IRF2BPL: variants seen among roughly 807,000 people sequenced by gnomAD.
IRF2BPL encodes probable E3 ubiquitin-protein ligase IRF2BPL.
A neutral mutation model predicts 51.2 loss-of-function variants in IRF2BPL; 13 were observed. The observed-to-expected ratio is 0.25, with a 90% CI of 0.17 to 0.40. IRF2BPL has a LOEUF of 0.40. IRF2BPL is among the 10% of genes least tolerant of loss of function. The pLI, the probability that IRF2BPL is intolerant of heterozygous loss-of-function variation, is 1.00. For synonymous variants in IRF2BPL, 768 were observed against 509.2 expected, an observed-to-expected ratio of 1.51 and a Z score of -6.84; for missense variants, 1,210 against 1,111.8, an observed-to-expected ratio of 1.09 and a Z score of -1.26.
At position 77,027,893 on chromosome 14, in the gene IRF2BPL, G is replaced by A. The variant is rs1049569836; in HGVS notation, c.-101C>T. The A allele has an allele frequency of 5.2e-6, 7 of 1,342,942 alleles. No individual in the cohort carries two copies. The highest frequency in any genetic ancestry group is 6.8e-6 in the Non-Finnish European group (7 of 1,028,334). 83.2% of individuals were successfully genotyped at this position (1,342,942 alleles called of 1,614,324 possible). ...GCTGGGGAGGGAGTCCGACTGCGGG[G>A]GAGGGAGGAGGGGGGGCGAGAAAGT... On this transcript the variant is annotated 5_prime_UTR_variant, in exon 1 of 1. Transcript: ENST00000238647.
In IRF2BPL at chr14:77,028,264, C is replaced by T. The variant is rs186382055; in HGVS notation, c.-472G>A. The T allele has an allele frequency of 2.9e-3, 696 of 237,862 alleles. 5 individuals are homozygous for T. The highest frequency in any genetic ancestry group is 0.015 in the African/African-American group (654 of 43,504). The allele number at this position is 237,862 out of a possible 1,614,324, so 14.7% of individuals were successfully genotyped here. A position where few individuals can be genotyped will look rare whatever the true frequency, so the allele number is the denominator to read the frequency against. ...CTGCGTCCTCTCCCCGACGGGCCCCCTGGGGCGAGGGCCAGAGGGTTCAGT... is the reference window on the plus strand; with the variant it reads ...CTGCGTCCTCTCCCCGACGGGCCCCTTGGGGCGAGGGCCAGAGGGTTCAGT... On this transcript the variant is annotated 5_prime_UTR_variant, in exon 1 of 1. Coordinates refer to ENST00000238647, the MANE Select transcript of IRF2BPL (RefSeq NM_024496.4).
At position 77,027,223 on chromosome 14, in the gene IRF2BPL, G is replaced by A. The variant is rs1415875556; in HGVS notation, c.570C>T (p.Pro190=). Residue 190 remains proline, a synonymous_variant, in exon 1 of 1, where the codon CCC becomes CCT. Transcript: ENST00000238647. ...AGCCGTTTGGGCCCCCCAGGCCGTTGGGCAGTCGCGCGGTGTGGCTGCTGC... is the reference window on the plus strand; with the variant it reads ...AGCCGTTTGGGCCCCCCAGGCCGTTAGGCAGTCGCGCGGTGTGGCTGCTGC... ...LGSSSHTARL[P]NGLGGPNGFP... 1.9e-6 allele frequency: 3 copies of A among 1,604,816 alleles called. No individual in the cohort carries two copies. The highest frequency in any genetic ancestry group is 4.5e-5 in the East Asian group (2 of 44,098).
rs1208562701 is a variant in IRF2BPL, at chr14:77,026,562, G to A, written c.1231C>T (p.Pro411Ser). ...AGCTTCAATTCGTAGTCCATGCCGG[G>A]CTTGGAGACGGCGTCGAAGGCGAAA... ...RVFAFDAVSK[P>S]GMDYELKLFI... is the part of the protein sequence containing the mutation. The change falls in exon 1 of 1, where the codon CCC (proline) becomes TCC (serine). Residue 411 changes from proline to serine, a missense_variant. By Grantham distance (74) the Pro-to-Ser change is moderately conservative (BLOSUM62 -1). Transcript: ENST00000238647. 3.7e-6 allele frequency: 6 copies of A among 1,613,858 alleles called. No homozygotes were observed. The highest frequency in any genetic ancestry group is 1.6e-4 in the Middle Eastern group (1 of 6,062).
In IRF2BPL at chr14:77,025,053, T is replaced by C. The variant is rs1397748906; in HGVS notation, c.*349A>G. 3 of 147,124 alleles carry C rather than the reference T, an allele frequency of 2.0e-5. No individual in the cohort carries two copies. The highest frequency in any genetic ancestry group is 2.2e-4 in the South Asian group (1 of 4,446). The allele number at this position is 147,124 out of a possible 1,614,324, so 9.1% of individuals were successfully genotyped here. On this transcript the variant is annotated 3_prime_UTR_variant, in exon 1 of 1. Coordinates refer to ENST00000238647, the MANE Select transcript of IRF2BPL (RefSeq NM_024496.4). ...AGAGAGTGCATAACATTTACAAAAA[T>C]ACACACCAGCAGCAGTCGTTGCTAA...
Position 77,027,974 on chromosome 14 carries a change from C to T in IRF2BPL, c.-182G>A. The T allele has an allele frequency of 1.4e-6, 1 of 690,814 alleles. No homozygotes were observed. Among genetic ancestry groups the T allele is most frequent in the Non-Finnish European group, 2.2e-6 (1 of 456,384 alleles). The allele number at this position is 690,814 out of a possible 1,614,324, so 42.8% of individuals were successfully genotyped here. On this transcript the variant is annotated 5_prime_UTR_variant, in exon 1 of 1. Coordinates refer to ENST00000238647, the MANE Select transcript of IRF2BPL (RefSeq NM_024496.4). ...CTCCACCGCCGGCGCAGCGCCTCGC[C>T]GTGGGGGCTCCACCGCCCGGGCAGC...
At position 77,025,390 on chromosome 14, in the gene IRF2BPL, C is replaced by T; in HGVS notation, c.*12G>A. On this transcript the variant is annotated 3_prime_UTR_variant, in exon 1 of 1. Coordinates refer to ENST00000238647, the MANE Select transcript of IRF2BPL (RefSeq NM_024496.4). The stretch of plus-strand genomic sequence containing the variant: ...AGCTGGTCTAGGGCAAAGGAGGTGG[C>T]TGCCCAGTGGTTCAAGGGTCTCTCT... The T allele has an allele frequency of 6.6e-7, 1 of 1,524,624 alleles. No homozygotes were observed. Among genetic ancestry groups the T allele is most frequent in the Non-Finnish European group, 8.8e-7 (1 of 1,132,696 alleles). The allele number at this position is 1,524,624 out of a possible 1,614,324, so 94.4% of individuals were successfully genotyped here.
rs763874257 is a variant in IRF2BPL, at chr14:77,027,085, A to T, written c.708T>A (p.Val236=). ...CACCCCCCGGGTTGGGCAGCCCCGT[A>T]ACCAGCCCACCGTGCGTTCCACGCC... ...ASRRGTHGGL[V]TGLPNPGGGG... is the part of the protein sequence containing the mutation. The change falls in exon 1 of 1, where the codon GTT becomes GTA. Residue 236 remains valine (V), a synonymous_variant. Transcript: ENST00000238647. 5 of 1,607,850 alleles carry T rather than the reference A, an allele frequency of 3.1e-6. No individual in the cohort carries two copies. Among genetic ancestry groups the T allele is most frequent in the Non-Finnish European group, 3.4e-6 (4 of 1,178,118 alleles).
Position 77,027,110 on chromosome 14 carries a change from C to G in IRF2BPL, c.683G>C (p.Arg228Pro), listed in dbSNP as rs1398386187. The G allele has an allele frequency of 1.6e-5, 25 of 1,611,424 alleles. No homozygotes were observed. The highest frequency in any genetic ancestry group is 2.0e-5 in the Non-Finnish European group (24 of 1,179,336). Reference protein sequence around the residue: ...SSSAAASVASRRGTHGGLVTG... With the variant: ...SSSAAASVASPRGTHGGLVTG... Reference sequence around the variant, plus strand: ...AACCAGCCCACCGTGCGTTCCACGCCGAGACGCCACCGACGCCGCCGCTGA... The same window carrying G: ...AACCAGCCCACCGTGCGTTCCACGCGGAGACGCCACCGACGCCGCCGCTGA... Residue 228 changes from arginine to proline, a missense_variant, in exon 1 of 1, where the codon CGG (arginine) becomes CCG (proline). Physicochemically the swap from Arg to Pro is moderately radical, Grantham distance 103 (BLOSUM62 -2). Coordinates refer to ENST00000238647, the MANE Select transcript of IRF2BPL (RefSeq NM_024496.4).
chr14:77,027,933 T>G lies in IRF2BPL; in HGVS notation c.-141A>C. 1.9e-6 allele frequency: 2 copies of G among 1,079,610 alleles called. No individual in the cohort carries two copies. The highest frequency in any genetic ancestry group is 2.5e-6 in the Non-Finnish European group (2 of 802,840). The allele number at this position is 1,079,610 out of a possible 1,614,324, so 66.9% of individuals were successfully genotyped here. The stretch of plus-strand genomic sequence containing the variant: ...GGCGAGAAAGTTCTGCCCCAGGGGC[T>G]GGAGGGAACGCGAGTCTCCACCGCC... On this transcript the variant is annotated 5_prime_UTR_variant, in exon 1 of 1. Transcript: ENST00000238647.
Position 77,027,382 on chromosome 14 carries a change from A to C in IRF2BPL, c.411T>G (p.Pro137=). 6 of 1,489,228 alleles carry C rather than the reference A, an allele frequency of 4.0e-6. No individual in the cohort carries two copies. The South Asian group carries it at 6.3e-5, about 16-fold the overall frequency. 92.3% of individuals were successfully genotyped at this position (1,489,228 alleles called of 1,614,324 possible). The change falls in exon 1 of 1, where the codon CCT becomes CCG. Residue 137 remains proline, a synonymous_variant. Transcript: ENST00000238647. ...GGCCAGACGGGGCCGCCAGCACCGC[A>C]GGCTTGCTGGAACCATCAACGTGGT... The part of the protein sequence containing the change: ...QLNHVDGSSK[P]AVLAAPSGLE...
chr14:77,027,240 G>A lies in IRF2BPL; in HGVS notation c.553C>T (p.His185Tyr), dbSNP rs1885162510. Residue 185 changes from histidine to tyrosine, a missense_variant, in exon 1 of 1, where the codon CAC becomes TAC. Coordinates refer to ENST00000238647, the MANE Select transcript of IRF2BPL (RefSeq NM_024496.4). ...AGGCCGTTGGGCAGTCGCGCGGTGT[G>A]GCTGCTGCTTCCCAGGCTCACCGGC... ...PPPVSLGSSS[H>Y]TARLPNGLGG... 5 of 1,599,218 alleles carry A rather than the reference G, an allele frequency of 3.1e-6. No homozygotes were observed. Among genetic ancestry groups the A allele is most frequent in the Non-Finnish European group, 3.4e-6 (4 of 1,174,076 alleles).
Position 77,025,702 on chromosome 14 carries a change from C to T in IRF2BPL, c.2091G>A (p.Val697=). 1 of 1,565,340 alleles carries T rather than the reference C, an allele frequency of 6.4e-7. No individual in the cohort carries two copies. The highest frequency in any genetic ancestry group is 8.7e-7 in the Non-Finnish European group (1 of 1,153,990). The change falls in exon 1 of 1, where the codon GTG becomes GTA. Residue 697 remains valine (V), a synonymous_variant. Coordinates refer to ENST00000238647, the MANE Select transcript of IRF2BPL (RefSeq NM_024496.4). Reference sequence around the variant, plus strand: ...GGGAATCCGGAATGTTTTGGGGGTGCACTTGGTCCATGCCCGGGTGGGCGC... The same window carrying T: ...GGGAATCCGGAATGTTTTGGGGGTGTACTTGGTCCATGCCCGGGTGGGCGC... ...PPSAHPGMDQ[V]HPQNIPDSPM...
In IRF2BPL at chr14:77,026,492, G is replaced by A. The variant is rs1049541752; in HGVS notation, c.1301C>T (p.Ala434Val). Reference protein sequence around the residue: ...PTGSGNVYSSASGVAKQMYQD... With the variant: ...PTGSGNVYSSVSGVAKQMYQD... ...ATACATCTGCTTGGCCACACCAGAT[G>A]CACTGGAGTACACGTTGCCCGAGCC... Residue 434 changes from alanine (A) to valine (V), a missense_variant, in exon 1 of 1, where the codon GCA (alanine) becomes GTA (valine). Coordinates refer to ENST00000238647, the MANE Select transcript of IRF2BPL (RefSeq NM_024496.4). 2 of 1,613,576 alleles carry A rather than the reference G, an allele frequency of 1.2e-6. No individual in the cohort carries two copies. Among genetic ancestry groups the A allele is most frequent in the Non-Finnish European group, 1.7e-6 (2 of 1,179,974 alleles).
chr14:77,026,194 C>T lies in IRF2BPL; in HGVS notation c.1599G>A (p.Ser533=). 17 of 1,390,462 alleles carry T rather than the reference C, an allele frequency of 1.2e-5. No individual in the cohort carries two copies. The highest frequency in any genetic ancestry group is 1.5e-5 in the African/African-American group (1 of 65,184). 86.1% of individuals were successfully genotyped at this position (1,390,462 alleles called of 1,614,324 possible). A position where few individuals can be genotyped will look rare whatever the true frequency, so the allele number is the denominator to read the frequency against. Residue 533 remains serine (S), a synonymous_variant, in exon 1 of 1, where the codon TCG becomes TCA. Transcript: ENST00000238647. ...GCAGGCTGGCGGCTGCGCCCCGGCCCGACGGCGCGGCGGGCGGCAAGGCCC... is the reference window on the plus strand; with the variant it reads ...GCAGGCTGGCGGCTGCGCCCCGGCCTGACGGCGCGGCGGGCGGCAAGGCCC... ...GTGALPPAAP[S]GRGAAASLRK... is the part of the protein sequence containing the mutation.
Position 77,024,972 on chromosome 14 carries a change from CAAAAAAAAAAA to C in IRF2BPL, c.*419_*429del, listed in dbSNP as rs11287198. 1.7e-3 allele frequency: 7 copies of C among 4,086 alleles called. No homozygotes were observed. The highest frequency in any genetic ancestry group is 2.5e-3 in the Non-Finnish European group (7 of 2,846). 0.3% of individuals were successfully genotyped at this position (4,086 alleles called of 1,614,324 possible). A position where few individuals can be genotyped will look rare whatever the true frequency, so the allele number is the denominator to read the frequency against. On this transcript the variant is annotated 3_prime_UTR_variant, in exon 1 of 1. Transcript: ENST00000238647. ...TTTTAGGCAGCAACACTGGCCTTGG[CAAAAAAAAAAA>C]AAAAAAAAAAAAAGTCTTTTTCTTT...
In IRF2BPL at chr14:77,027,570, G is replaced by A. The variant is rs776673384; in HGVS notation, c.223C>T (p.Pro75Ser). The A allele has an allele frequency of 6.6e-7, 1 of 1,523,076 alleles. No homozygotes were observed. The highest frequency in any genetic ancestry group is 1.2e-5 in the South Asian group (1 of 83,488). 94.3% of individuals were successfully genotyped at this position (1,523,076 alleles called of 1,614,324 possible). A position where few individuals can be genotyped will look rare whatever the true frequency, so the allele number is the denominator to read the frequency against. ...QDGRSPGPPP[P>S]VGVKTVALSA... ...AGGGCCACTGTCTTGACCCCGACGG[G>A]CGGCGGCGGCCCGGGGGAGCGGCCG... The change falls in exon 1 of 1, where the codon CCC becomes TCC. Residue 75 changes from proline to serine, a missense_variant. By Grantham distance (74) the Pro-to-Ser change is moderately conservative. Transcript: ENST00000238647.
chr14:77,027,749 T>TAGCAA lies in IRF2BPL; in HGVS notation c.39_43dup (p.Tyr15PhefsTer14). On this transcript the variant is annotated frameshift_variant, in exon 1 of 1. Coordinates refer to ENST00000238647, the MANE Select transcript of IRF2BPL (RefSeq NM_024496.4). LOFTEE classifies it high-confidence loss of function. The stretch of plus-strand genomic sequence containing the variant: ...GGGCATGCGGGGCAGGTCGCACAGG[T>TAGCAA]AGCAAGATTGTCTCCGGGACGAGGA... 6.3e-7 allele frequency: 1 copy of TAGCAA among 1,599,932 alleles called. No homozygotes were observed. Among genetic ancestry groups the TAGCAA allele is most frequent in the Non-Finnish European group, 8.5e-7 (1 of 1,173,304 alleles).
At position 77,027,929 on chromosome 14, in the gene IRF2BPL, G is replaced by C; in HGVS notation, c.-137C>G. The C allele has an allele frequency of 9.0e-7, 1 of 1,113,260 alleles. No homozygotes were observed. Among genetic ancestry groups the C allele is most frequent in the Non-Finnish European group, 1.2e-6 (1 of 832,508 alleles). The allele number at this position is 1,113,260 out of a possible 1,614,324, so 69.0% of individuals were successfully genotyped here. Reference sequence around the variant, plus strand: ...GGGGGGCGAGAAAGTTCTGCCCCAGGGGCTGGAGGGAACGCGAGTCTCCAC... The same window carrying C: ...GGGGGGCGAGAAAGTTCTGCCCCAGCGGCTGGAGGGAACGCGAGTCTCCAC... On this transcript the variant is annotated 5_prime_UTR_variant, in exon 1 of 1. Coordinates refer to ENST00000238647, the MANE Select transcript of IRF2BPL (RefSeq NM_024496.4).
Position 77,028,605 on chromosome 14 carries a change from C to T in IRF2BPL, c.-813G>A, listed in dbSNP as rs1885241961. Reference sequence around the variant, plus strand: ...CCTCGGCCCGGGTCGCATCCCTTCCCGCTCGTGCTCACGCTCGCCCGGAAT... The same window carrying T: ...CCTCGGCCCGGGTCGCATCCCTTCCTGCTCGTGCTCACGCTCGCCCGGAAT... On this transcript the variant is annotated 5_prime_UTR_variant, in exon 1 of 1. Transcript: ENST00000238647. 5.2e-6 allele frequency: 2 copies of T among 386,874 alleles called. No individual in the cohort carries two copies. Among genetic ancestry groups the T allele is most frequent in the Non-Finnish European group, 9.2e-6 (2 of 218,422 alleles). The allele number at this position is 386,874 out of a possible 1,614,324, so 24.0% of individuals were successfully genotyped here.
Sources: allele counts gnomAD v4.1 joint callset, GRCh38; gene constraint gnomAD v4.1.1; transcripts MANE v1.5; gene names NCBI Gene and HGNC (gene_info 2026-07-23, HGNC 2026-07-21).